The following INHBA variants were observed in gnomAD, a reference collection of about 807,000 sequenced individuals.
INHBA encodes the protein inhibin beta A chain.
Under a neutral mutation model 29.0 loss-of-function variants are expected in INHBA, and 1 was observed. The ratio of observed to expected loss-of-function variants is 0.03; its 90% CI spans 0.01 to 0.16. INHBA has a LOEUF of 0.16. Ranked by LOEUF, INHBA falls within the 10% of genes least tolerant of loss-of-function variation. INHBA has a pLI of 1.00. For synonymous variants in INHBA, 242 were observed against 216.8 expected (o/e 1.12, Z -1.02); for missense variants, 376 against 545.4 (o/e 0.69, Z 3.09).
In INHBA at chr7:41,699,919, G is replaced by A. The variant is rs184371567; in HGVS notation, c.388+68C>T. The A allele has an allele frequency of 5.3e-5, 53 of 1,005,980 alleles. No individual in the cohort carries two copies. In the Admixed American group the frequency reaches 9.3e-4, roughly 18 times the overall value. The allele number at this position is 1,005,980 out of a possible 1,614,324, so 62.3% of individuals were successfully genotyped here. On this transcript the variant is annotated intron_variant, in intron 2 of 2. Coordinates refer to ENST00000242208, the MANE Select transcript of INHBA (RefSeq NM_002192.4). ...GGGAAAAGAAGTTCCTCCTGGGACTGTCAAAGAAATATATTTTACCCTCCC... is the reference window on the plus strand; with the variant it reads ...GGGAAAAGAAGTTCCTCCTGGGACTATCAAAGAAATATATTTTACCCTCCC...
intron 2 of INHBA, among the ~76,000 whole-genome samples, chr7:41,695,640 C>T (rs1419144328): frequency 2.0e-5 from 3 of 152,132 alleles, no homozygotes; most frequent in Non-Finnish European, 4.4e-5. Flanking sequence ...CTGGCACAAA[C>T]GTCCATCATC....
chr7:41,690,638 T>C, intron 2 of INHBA, 96 bp from the exon 3 acceptor site: 1 of 1,415,372 alleles, frequency 7.1e-7, no homozygotes, highest in East Asian at 2.5e-5. Flanking sequence ...GAGTCTTCTG[T>C]GACAGACCCT....
At position 41,693,271 on chromosome 7, in the gene INHBA, C is replaced by A. The variant is rs116108447; in HGVS notation, c.389-2729G>T. On this transcript the variant is annotated intron_variant, in intron 2 of 2. Transcript: ENST00000242208. ...GCTTAATAGGTTTGGGGTAACTCAT[C>A]CCCATGAGCTCTGCTCTACTCTCAT... 7.9e-3 allele frequency among the ~76,000 whole-genome samples: 1,207 copies of A among 152,300 alleles called. 17 individuals carry two copies. Among genetic ancestry groups the A allele is most frequent in the African/African-American group, 0.027 (1,138 of 41,558 alleles).
At chr7:41,694,328 G>A (rs1053673985) in intron 2 of INHBA, among the ~76,000 whole-genome samples, 2 of 152,152 alleles carry the variant, frequency 1.3e-5, no homozygotes, top group African/African-American at 4.8e-5. Flanking sequence ...TATATTACCT[G>A]AGAGAGATTG....
At position 41,700,841 on chromosome 7, in the gene INHBA, A is replaced by AAG. The variant is rs3030163; in HGVS notation, c.-143-326_-143-325dup. Among the ~76,000 whole-genome samples the AAG allele has an allele frequency of 5.1e-3, 400 of 79,136 alleles. 8 individuals are homozygous for AAG. The highest frequency in any genetic ancestry group is 0.012 in the African/African-American group (237 of 20,248). 51.9% of individuals were successfully genotyped at this position (79,136 alleles called of 152,430 possible). ...AGGGGGAGAGGGAGAGAGGGAAAGGAAGAGAGAGAGAGAGAGAGAGAGAGA... is the reference window on the plus strand; with the variant it reads ...AGGGGGAGAGGGAGAGAGGGAAAGGAAGAGAGAGAGAGAGAGAGAGAGAGAGA... On this transcript the variant is annotated intron_variant, in intron 1 of 2. Transcript: ENST00000242208.
intron 2 of INHBA, among the ~76,000 whole-genome samples, chr7:41,693,674 T>C (rs377234693): frequency 6.6e-6 from 1 of 152,142 alleles, no homozygotes; most frequent in East Asian, 1.9e-4. Flanking sequence ...ATCTGTCAGG[T>C]GCTGTTATAT....
chr7:41,692,526 G>C (rs1315865711), intron 2 of INHBA: 4 of 152,230 alleles, frequency 2.6e-5, no homozygotes, highest in African/African-American at 9.7e-5. Flanking sequence ...ACTGAGGCAA[G>C]GGCCAAGCAG....
upstream of INHBA, chr7:41,705,220 TC>T: frequency 6.5e-6 from 1 of 153,084 alleles, no homozygotes; most frequent in Non-Finnish European, 1.5e-5. Context: ...CACTTCCCCC[TC>T]CCCCGGAGCT....
upstream of INHBA, among the ~76,000 whole-genome samples, chr7:41,704,054 T>C (rs1232462432): frequency 6.6e-6 from 1 of 152,116 alleles, no homozygotes; most frequent in Non-Finnish European, 1.5e-5. Flanking sequence ...TAAGCCCAGT[T>C]CTCATGACAA....
chr7:41,696,260 C>A (rs116952538), intron 2 of INHBA, among the ~76,000 whole-genome samples: 2 of 152,154 alleles, frequency 1.3e-5, no homozygotes, highest in Non-Finnish European at 2.9e-5. Flanking sequence ...ACCCGGGAGA[C>A]CGTATTAGGG....
chr7:41,696,326 CTCCGCTTTGTTTGCTTTTGAAATTTA>C (rs1293166849), intron 2 of INHBA, among the ~76,000 whole-genome samples: 1 of 152,206 alleles, frequency 6.6e-6, no homozygotes, highest in African/African-American at 2.4e-5. Context: ...TTTCTCCCTG[CTCCGCTTTGTTTGCTTTTGAAATTTA>C]TCACTCGTCT....
At chr7:41,696,708 C>T (rs1478192378) in intron 2 of INHBA, among the ~76,000 whole-genome samples, 1 of 152,096 alleles carries the variant, frequency 6.6e-6, no homozygotes, top group African/African-American at 2.4e-5. Flanking sequence ...CAGAAAAGTT[C>T]GGAAGGTGGG....
upstream of INHBA, among the ~76,000 whole-genome samples, chr7:41,703,839 G>A (rs1273982026): frequency 6.6e-6 from 1 of 151,348 alleles, no homozygotes; most frequent in African/African-American, 2.4e-5. Flanking sequence ...TTTTTTACCA[G>A]AACTTCAACT....
rs1022346276 is a variant in INHBA at position 41,689,249 on chromosome 7, A to G, written c.*401T>C. The G allele has an allele frequency of 5.4e-5, 13 of 239,090 alleles. No individual in the cohort carries two copies. Among genetic ancestry groups the G allele is most frequent in the Non-Finnish European group, 5.7e-5 (7 of 122,300 alleles). 14.8% of individuals were successfully genotyped at this position (239,090 alleles called of 1,614,324 possible). ...TCAAACTCATGGCTTTCTAGATGCT[A>G]TTTGGGTTGTTCTAGTCCACACTAC... On this transcript the variant is annotated 3_prime_UTR_variant, in exon 3 of 3. Coordinates refer to ENST00000242208, the MANE Select transcript of INHBA (RefSeq NM_002192.4).
rs145978897 is a variant in INHBA at position 41,701,470 on chromosome 7, T to C, written c.-143-953A>G. 7.2e-5 allele frequency among the ~76,000 whole-genome samples: 11 copies of C among 152,200 alleles called. No individual in the cohort carries two copies. The East Asian group carries it at 2.1e-3, about 29-fold the overall frequency. On this transcript the variant is annotated intron_variant, in intron 1 of 2. Transcript: ENST00000242208. ...GAGGAGAGCGCAATGGAACTTTTGT[T>C]TGGGGTCATATAATACACTCCACTC... is the stretch of plus-strand genomic sequence containing the variant.
At position 41,688,815 on chromosome 7, in the gene INHBA, A is replaced by C. The variant is rs1794437590; in HGVS notation, c.*835T>G. On this transcript the variant is annotated 3_prime_UTR_variant, in exon 3 of 3. Transcript: ENST00000242208. Reference sequence around the variant, plus strand: ...GTATCTCTCCTTGAAGAAAATAAAAATTAATCAGATTACTTCCAATACAAA... The same window carrying C: ...GTATCTCTCCTTGAAGAAAATAAAACTTAATCAGATTACTTCCAATACAAA... 4.8e-6 allele frequency: 1 copy of C among 210,186 alleles called. No homozygotes were observed. The highest frequency in any genetic ancestry group is 9.6e-6 in the Non-Finnish European group (1 of 103,654). 13.0% of individuals were successfully genotyped at this position (210,186 alleles called of 1,614,324 possible). A position where few individuals can be genotyped will look rare whatever the true frequency, so the allele number is the denominator to read the frequency against.
upstream of INHBA, among the ~76,000 whole-genome samples, chr7:41,704,610 TA>T (rs1794869674): frequency 1.3e-5 from 1 of 77,302 alleles, no homozygotes; most frequent in Admixed American, 1.6e-4. Flanking sequence ...CCACACAAAG[TA>T]GTGTGTGTGT....
chr7:41,705,011 C>A (rs555230209), upstream of INHBA, among the ~76,000 whole-genome samples: 32 of 152,174 alleles, frequency 2.1e-4, no homozygotes, highest in African/African-American at 7.5e-4. Flanking sequence ...ACCACCTGCA[C>A]CACAGTGGCA....
chr7:41,692,659 G>A (rs1290790605), intron 2 of INHBA: 2 of 152,310 alleles, frequency 1.3e-5, no homozygotes, highest in Non-Finnish European at 2.9e-5. Flanking sequence ...TCTTTGGCAG[G>A]AGTTGAAATG....
Sources: gnomAD v4.1 joint callset for allele counts (sites outside exome capture counted in the v4.1 genomes callset) on GRCh38, gnomAD v4.1.1 for gene constraint, MANE v1.5 for transcripts, NCBI Gene and HGNC (gene_info 2026-07-23, HGNC 2026-07-21) for gene names.